The following TRAPPC9 variants were observed in gnomAD, a reference collection of about 807,000 sequenced individuals.
TRAPPC9 encodes the protein IKK2 binding protein.
Under a neutral mutation model 124.0 loss-of-function variants are expected in TRAPPC9, and 83 were observed. The observed-to-expected ratio is 0.67, with a 90% CI of 0.56 to 0.80. The LOEUF is 0.80. Ranked by LOEUF, TRAPPC9 falls within the 30% of genes least tolerant of loss-of-function variation. The pLI is 0.00. For synonymous variants in TRAPPC9, 638 were observed against 617.5 expected (o/e 1.03, Z -0.49); for missense variants, 1,302 against 1,508.3 (o/e 0.86, Z 2.27).
chr8:139,921,988 C>A (rs1470706261), intron 19 of TRAPPC9, among the ~76,000 whole-genome samples: 1 of 151,914 alleles, frequency 6.6e-6, no homozygotes, highest in East Asian at 1.9e-4. Flanking sequence ...GTCAGAGAAG[C>A]CCACATGGAA....
At chr8:139,978,064 G>T (rs1836605537) in intron 19 of TRAPPC9, among the ~76,000 whole-genome samples, 3 of 152,034 alleles carry the variant, frequency 2.0e-5, no homozygotes, top group Non-Finnish European at 4.4e-5. Flanking sequence ...TTTTAGTAGA[G>T]CTGGGGTTTC....
At position 139,762,096 on chromosome 8, in the gene TRAPPC9, C is replaced by T. The variant is rs958525450; in HGVS notation, c.3056-29894G>A. Among the ~76,000 whole-genome samples the T allele has an allele frequency of 2.6e-5, 4 of 151,914 alleles. 1 individual carries two copies. The highest frequency in any genetic ancestry group is 4.2e-4 in the South Asian group (2 of 4,798). ...GGACCCAGGACAGCCCTCTGAGCCA[C>T]CCAGCCCTGCAGCCCGAGTGAGGGC... On this transcript the variant is annotated intron_variant, in intron 21 of 22. Transcript: ENST00000438773.
At chr8:140,176,490 C>T (rs539863488) in intron 17 of TRAPPC9, among the ~76,000 whole-genome samples, 5 of 152,358 alleles carry the variant, frequency 3.3e-5, no homozygotes, top group African/African-American at 4.8e-5. Flanking sequence ...GTTGGGCATA[C>T]CGGTAGCTCG....
chr8:139,837,545 C>G (rs572748209), intron 21 of TRAPPC9, among the ~76,000 whole-genome samples: 14 of 152,310 alleles, frequency 9.2e-5, no homozygotes, highest in Middle Eastern at 3.4e-3. Context: ...GAGGGCCTTG[C>G]CTGCACTGCC....
chr8:140,221,059 G>A (rs971905862), intron 17 of TRAPPC9, among the ~76,000 whole-genome samples: 1 of 152,180 alleles, frequency 6.6e-6, no homozygotes, highest in African/African-American at 2.4e-5. Context: ...TATCTGTCTT[G>A]GCTTCCTTGG....
chr8:140,397,914 A>G (rs2069142670), intron 6 of TRAPPC9, among the ~76,000 whole-genome samples, 169 bp from the exon 7 acceptor site: 1 of 152,018 alleles, frequency 6.6e-6, no homozygotes, highest in African/African-American at 2.4e-5. Context: ...CCCAAATCTC[A>G]TCTTGAATTG....
At chr8:139,784,137 A>C (rs1389619744) in intron 21 of TRAPPC9, among the ~76,000 whole-genome samples, 1 of 152,254 alleles carries the variant, frequency 6.6e-6, no homozygotes, top group African/African-American at 2.4e-5. Flanking sequence ...TACTAGGCAA[A>C]GAAAAAATAA....
At chr8:139,899,510 A>G (rs896923987) in intron 20 of TRAPPC9, among the ~76,000 whole-genome samples, 2 of 152,154 alleles carry the variant, frequency 1.3e-5, no homozygotes, top group Non-Finnish European at 2.9e-5. Context: ...AAGAGGAGGC[A>G]CTGGTCTTGC....
At chr8:139,857,818 AATGGACCCAGGTGGCCTGGCC>A (rs1827895091) in intron 21 of TRAPPC9, among the ~76,000 whole-genome samples, 1 of 152,224 alleles carries the variant, frequency 6.6e-6, no homozygotes, top group Admixed American at 6.5e-5. Context: ...AAAAAGGTGC[AATGGACCCAGGTGGCCTGGCC>A]AGGGACCCTG....
At chr8:140,163,149 G>T (rs763951715) in intron 17 of TRAPPC9, among the ~76,000 whole-genome samples, 1 of 152,200 alleles carries the variant, frequency 6.6e-6, no homozygotes, top group South Asian at 2.1e-4. Context: ...CAGAGGGCTT[G>T]CCAACCACCA....
chr8:140,132,581 TC>T (rs765329993), intron 17 of TRAPPC9, among the ~76,000 whole-genome samples: 1 of 151,944 alleles, frequency 6.6e-6, no homozygotes, highest in Non-Finnish European at 1.5e-5. Flanking sequence ...CAAACAGCAG[TC>T]CCCACGCAGA....
chr8:139,943,341 A>C (rs952713963), intron 19 of TRAPPC9, among the ~76,000 whole-genome samples: 14 of 152,246 alleles, frequency 9.2e-5, no homozygotes, highest in African/African-American at 3.1e-4. Context: ...TGCTGGGATT[A>C]CAGGCATGAA....
chr8:140,163,599 C>A (rs563047695), intron 17 of TRAPPC9, among the ~76,000 whole-genome samples: 1 of 152,172 alleles, frequency 6.6e-6, no homozygotes, highest in African/African-American at 2.4e-5. Flanking sequence ...GAACGCTGTG[C>A]GGTGCATCTC....
At chr8:140,350,927 A>C (rs2067548900) in intron 9 of TRAPPC9, among the ~76,000 whole-genome samples, 1 of 151,974 alleles carries the variant, frequency 6.6e-6, no homozygotes, top group Admixed American at 6.6e-5. Flanking sequence ...GGGTGTCCGG[A>C]GAATGAAGCA....
At chr8:140,156,418 T>C (rs1455401336) in intron 17 of TRAPPC9, among the ~76,000 whole-genome samples, 1 of 152,188 alleles carries the variant, frequency 6.6e-6, no homozygotes, top group Non-Finnish European at 1.5e-5. Context: ...AAATGAAAAA[T>C]GGATACAAAA....
chr8:140,224,325 A>G (rs552964248), intron 16 of TRAPPC9, among the ~76,000 whole-genome samples: 1 of 152,336 alleles, frequency 6.6e-6, no homozygotes, highest in East Asian at 1.9e-4. Flanking sequence ...AGCTAACAAG[A>G]ACTACAGGGC....
At chr8:140,422,472 A>G (rs969396479) in intron 5 of TRAPPC9, among the ~76,000 whole-genome samples, 13 of 152,200 alleles carry the variant, frequency 8.5e-5, no homozygotes, top group African/African-American at 3.1e-4. Context: ...AACTGTTACT[A>G]GCCAGGTGCA....
In TRAPPC9 at chr8:140,431,974, T is replaced by C. The variant is rs1231644775; in HGVS notation, c.859+3138A>G. Among the ~76,000 whole-genome samples, 3 of 152,186 alleles carry C rather than the reference T, an allele frequency of 2.0e-5. No homozygotes were observed. The East Asian group carries it at 5.8e-4, about 29-fold the overall frequency. On this transcript the variant is annotated intron_variant, in intron 4 of 22. Coordinates refer to ENST00000438773, the MANE Select transcript of TRAPPC9 (RefSeq NM_001160372.4). ...CACTGTCCACATTGCACATCTGAAA[T>C]TTTCATGCTGAAATGACATAATAAA...
At chr8:140,083,672 G>GT (rs1169238416) in intron 17 of TRAPPC9, among the ~76,000 whole-genome samples, 299 of 82,622 alleles carry the variant, frequency 3.6e-3, no homozygotes, top group African/African-American at 0.014. Flanking sequence ...TTTTGTTTTT[G>GT]TTTTTGTTTT....
Sources: allele counts gnomAD v4.1 joint callset (sites outside exome capture counted in the v4.1 genomes callset), GRCh38; gene constraint gnomAD v4.1.1; transcripts MANE v1.5; gene names NCBI Gene and HGNC (gene_info 2026-07-23, HGNC 2026-07-21).